Variants in AGBL4 observed in about 807,000 individuals in gnomAD.
AGBL4 encodes the protein cytosolic carboxypeptidase 6.
Under a neutral mutation model 66.4 loss-of-function variants are expected in AGBL4, and 58 were observed. The observed-to-expected ratio is 0.87, with a 90% CI of 0.71 to 1.09. The LOEUF (loss-of-function observed/expected upper bound fraction) is 1.09. Among genes scored for constraint, AGBL4 ranks in the 50% least tolerant of loss-of-function variants. The probability of loss-of-function intolerance (pLI) is 0.00; values close to 1 mark genes in which losing one functional copy is unlikely to be tolerated. For synonymous variants in AGBL4, 234 were observed against 222.9 expected (o/e 1.05, Z -0.44); for missense variants, 579 against 631.0 (o/e 0.92, Z 0.88).
intron 6 of AGBL4, among the ~76,000 whole-genome samples, chr1:48,858,050 T>C (rs1197417054): frequency 6.6e-6 from 1 of 152,028 alleles, no homozygotes; most frequent in South Asian, 2.1e-4. Flanking sequence ...ATAGAAGTAA[T>C]ACAAAGGGCC....
intron 4 of AGBL4, among the ~76,000 whole-genome samples, chr1:49,136,627 T>C (rs951614776): frequency 6.6e-6 from 1 of 152,140 alleles, no homozygotes; most frequent in Non-Finnish European, 1.5e-5. Context: ...TTACAAATTC[T>C]TTTCAATAAG....
chr1:49,787,371 C>T (rs1458364062), intron 2 of AGBL4, among the ~76,000 whole-genome samples: 6 of 151,862 alleles, frequency 4.0e-5, no homozygotes, highest in African/African-American at 1.2e-4. Context: ...GGCGTGGTGG[C>T]GGACGCCTGT....
At chr1:49,423,993 T>C (rs367994465) in intron 3 of AGBL4, among the ~76,000 whole-genome samples, 17 of 152,208 alleles carry the variant, frequency 1.1e-4, no homozygotes, top group African/African-American at 3.6e-4. Context: ...TAGTGCTAAT[T>C]TGAATCTCTG....
At chr1:48,909,470 C>T (rs1020902249) in intron 5 of AGBL4, among the ~76,000 whole-genome samples, 4 of 152,256 alleles carry the variant, frequency 2.6e-5, no homozygotes, top group East Asian at 1.9e-4. Context: ...GAAATGATTT[C>T]CACTGATTCA....
chr1:49,347,793 G>A (rs1030067093), intron 3 of AGBL4, among the ~76,000 whole-genome samples: 1 of 151,874 alleles, frequency 6.6e-6, no homozygotes, highest in Admixed American at 6.5e-5. Context: ...CCGGGAGGCA[G>A]ACGTTGCAGT....
chr1:49,702,828 A>C (rs1050349978), intron 2 of AGBL4, among the ~76,000 whole-genome samples: 15 of 152,178 alleles, frequency 9.9e-5, no homozygotes, highest in Non-Finnish European at 2.2e-4. Flanking sequence ...CACATTATTA[A>C]AATAAAGACC....
intron 12 of AGBL4, among the ~76,000 whole-genome samples, chr1:48,536,693 C>T (rs1256609477): frequency 6.6e-6 from 1 of 152,210 alleles, no homozygotes; most frequent in Non-Finnish European, 1.5e-5. Flanking sequence ...CCCTGCCAGC[C>T]TGTGACTAAG....
intron 9 of AGBL4, among the ~76,000 whole-genome samples, chr1:48,606,667 C>T (rs1354448598): frequency 6.6e-6 from 1 of 152,176 alleles, no homozygotes; most frequent in Non-Finnish European, 1.5e-5. Flanking sequence ...AGGCTCCCAG[C>T]AAGAAGGCCA....
intron 10 of AGBL4, among the ~76,000 whole-genome samples, chr1:48,588,656 A>AGTGTGTGTGTGTGTGTGTGTGTGT (rs57683318): frequency 4.1e-5 from 6 of 147,518 alleles, no homozygotes; most frequent in African/African-American, 1.3e-4. Context: ...GAAACAGAGA[A>AGTGTGTGTGTGTGTGTGTGTGTGT]GTGTGTGTGT....
chr1:49,887,350 A>G (rs1286745986), intron 1 of AGBL4, among the ~76,000 whole-genome samples: 1 of 151,670 alleles, frequency 6.6e-6, no homozygotes, highest in African/African-American at 2.4e-5. Context: ...TTTTTTTTAG[A>G]AAAAAGGTAA....
chr1:49,629,435 C>A (rs1379431379), intron 3 of AGBL4, among the ~76,000 whole-genome samples: 1 of 152,132 alleles, frequency 6.6e-6, no homozygotes, highest in Non-Finnish European at 1.5e-5. Context: ...ATAGCTCTTA[C>A]GCCTTGGGCC....
At chr1:49,930,620 G>A (rs1457853196) in intron 1 of AGBL4, among the ~76,000 whole-genome samples, 2 of 152,032 alleles carry the variant, frequency 1.3e-5, no homozygotes, top group Middle Eastern at 3.2e-3. Flanking sequence ...CACAAGGTTG[G>A]TTTAACATTC....
At chr1:49,753,976 T>G (rs1479867411) in intron 2 of AGBL4, among the ~76,000 whole-genome samples, 2 of 152,184 alleles carry the variant, frequency 1.3e-5, no homozygotes, top group Non-Finnish European at 2.9e-5. Flanking sequence ...CCTGTAACAT[T>G]TTATCAAGAT....
intron 1 of AGBL4, among the ~76,000 whole-genome samples, chr1:49,974,369 G>C (rs900525198): frequency 2.0e-5 from 3 of 152,146 alleles, no homozygotes; most frequent in Non-Finnish European, 4.4e-5. Flanking sequence ...TTAAGGAAAT[G>C]TTTAGCAGCA....
chr1:48,612,568 T>C (rs1645255382), intron 9 of AGBL4, among the ~76,000 whole-genome samples: 1 of 152,196 alleles, frequency 6.6e-6, no homozygotes, highest in Admixed American at 6.5e-5. Flanking sequence ...AGATCAAAGT[T>C]AAACAAATCT....
At chr1:49,918,993 T>C (rs1192414874) in intron 1 of AGBL4, among the ~76,000 whole-genome samples, 8 of 152,200 alleles carry the variant, frequency 5.3e-5, no homozygotes, top group African/African-American at 1.9e-4. Flanking sequence ...CACATGATTA[T>C]CTCAATAGAT....
At chr1:49,580,749 A>T (rs752587137) in intron 3 of AGBL4, among the ~76,000 whole-genome samples, 3 of 152,126 alleles carry the variant, frequency 2.0e-5, no homozygotes, top group Non-Finnish European at 4.4e-5. Context: ...TCTGCTGGGT[A>T]GTCCACTGTG....
chr1:48,939,992 A>G (rs1022813939), intron 5 of AGBL4, among the ~76,000 whole-genome samples: 2 of 152,218 alleles, frequency 1.3e-5, no homozygotes, highest in Non-Finnish European at 2.9e-5. Context: ...CACCTCACCA[A>G]AGAATTATCT....
At chr1:49,656,492 C>G (rs1571265238) in intron 3 of AGBL4, among the ~76,000 whole-genome samples, 1 of 152,168 alleles carries the variant, frequency 6.6e-6, no homozygotes. Context: ...GGGAATACTC[C>G]CTAACTCATT....
Sources: allele counts gnomAD v4.1 joint callset (sites outside exome capture counted in the v4.1 genomes callset), GRCh38; gene constraint gnomAD v4.1.1; transcripts MANE v1.5; gene names NCBI Gene and HGNC (gene_info 2026-07-23, HGNC 2026-07-21).